The following PTPRD variants were observed in gnomAD, a reference collection of about 807,000 sequenced individuals.
PTPRD encodes receptor-type tyrosine-protein phosphatase delta.
PTPRD carries 34 observed loss-of-function variants against 214.5 expected under a neutral mutation model. That is an observed-to-expected ratio of 0.16 (90% CI 0.12 to 0.21). The LOEUF is 0.21. Ranked by LOEUF, PTPRD falls within the 10% of genes least tolerant of loss-of-function variation. PTPRD has a pLI of 1.00. For missense variants in PTPRD, 2,545 were observed against 2,398.7 expected, an observed-to-expected ratio of 1.06 and a Z score of -1.27; for synonymous variants, 1,128 against 845.7, an observed-to-expected ratio of 1.33 and a Z score of -5.79.
At chr9:9,027,922 T>A (rs1166599123) in intron 10 of PTPRD, among the ~76,000 whole-genome samples, 4 of 151,954 alleles carry the variant, frequency 2.6e-5, no homozygotes, top group Non-Finnish European at 5.9e-5. Flanking sequence ...GAATCCCCTG[T>A]GATGAAAAAC....
intron 2 of PTPRD, among the ~76,000 whole-genome samples, chr9:10,381,978 T>C (rs1025020783): frequency 6.6e-6 from 1 of 152,080 alleles, no homozygotes; most frequent in African/African-American, 2.4e-5. Context: ...TAACAGAGAA[T>C]AGTTCTACCA....
intron 8 of PTPRD, among the ~76,000 whole-genome samples, chr9:9,462,419 T>C (rs1038502256): frequency 6.6e-6 from 1 of 152,136 alleles, no homozygotes; most frequent in Non-Finnish European, 1.5e-5. Flanking sequence ...AGAAAGGCAA[T>C]AAATGATTCA....
At chr9:9,931,276 G>A (rs1040307537) in intron 5 of PTPRD, among the ~76,000 whole-genome samples, 5 of 152,192 alleles carry the variant, frequency 3.3e-5, no homozygotes, top group Admixed American at 1.3e-4. Context: ...CGTGAGCGAC[G>A]CAGAAGACAG....
At chr9:9,947,575 T>TA (rs2092921084) in intron 4 of PTPRD, among the ~76,000 whole-genome samples, 1 of 41,986 alleles carries the variant, frequency 2.4e-5, no homozygotes, top group Admixed American at 4.5e-4. Flanking sequence ...TATATATATA[T>TA]TATATATATA....
rs556864537 is a variant in PTPRD at position 10,583,699 on chromosome 9, C to T, written c.-600+28699G>A. Among the ~76,000 whole-genome samples the T allele has an allele frequency of 1.5e-3, 224 of 152,148 alleles. 1 individual carries two copies. Among genetic ancestry groups the T allele is most frequent in the Non-Finnish European group, 2.3e-3 (154 of 67,982 alleles). Reference sequence around the variant, plus strand: ...TTCACCATGTTAGTCAGGATGGTCTCGATCTCCTGACCTCGTGATGCGCCT... The same window carrying T: ...TTCACCATGTTAGTCAGGATGGTCTTGATCTCCTGACCTCGTGATGCGCCT... On this transcript the variant is annotated intron_variant, in intron 2 of 45. Coordinates refer to ENST00000381196, the MANE Select transcript of PTPRD (RefSeq NM_002839.4).
chr9:10,097,228 T>C (rs945619128), intron 3 of PTPRD, among the ~76,000 whole-genome samples: 8 of 149,732 alleles, frequency 5.3e-5, no homozygotes, highest in Admixed American at 4.7e-4. Context: ...CGGGCTCTTT[T>C]TTGGTTCCAT....
chr9:10,177,385 A>C (rs2099255209), intron 3 of PTPRD, among the ~76,000 whole-genome samples: 1 of 151,790 alleles, frequency 6.6e-6, no homozygotes, highest in African/African-American at 2.4e-5. Flanking sequence ...GCTATAACAA[A>C]TGGCATTGTA....
At chr9:9,421,554 A>C in intron 8 of PTPRD, among the ~76,000 whole-genome samples, 1 of 152,110 alleles carries the variant, frequency 6.6e-6, no homozygotes, top group Admixed American at 6.6e-5. Flanking sequence ...TGTTCTGGGC[A>C]GAAGATAATC....
chr9:9,258,090 GAGATAGAT>G (rs71319208), intron 9 of PTPRD, among the ~76,000 whole-genome samples: 9 of 148,250 alleles, frequency 6.1e-5, no homozygotes, highest in South Asian at 4.3e-4. Context: ...TGAATGGATA[GAGATAGAT>G]AGATAGATAG....
intron 3 of PTPRD, among the ~76,000 whole-genome samples, chr9:10,108,170 T>C (rs1390568107): frequency 6.6e-6 from 1 of 152,122 alleles, no homozygotes; most frequent in Non-Finnish European, 1.5e-5. Flanking sequence ...TGTTTTCTTT[T>C]CTTTTGTCTT....
At chr9:10,516,153 A>G (rs1448010093) in intron 2 of PTPRD, among the ~76,000 whole-genome samples, 1 of 151,846 alleles carries the variant, frequency 6.6e-6, no homozygotes, top group African/African-American at 2.4e-5. Flanking sequence ...AACTTCCACA[A>G]TATTTTCCAC....
intron 2 of PTPRD, among the ~76,000 whole-genome samples, chr9:10,457,951 A>T (rs759504051): frequency 5.3e-5 from 8 of 152,034 alleles, no homozygotes; most frequent in Admixed American, 1.3e-4. Context: ...AATTTGATAA[A>T]TTAGAGAAAA....
At chr9:8,422,712 C>T (rs2094444386) in intron 35 of PTPRD, among the ~76,000 whole-genome samples, 1 of 152,090 alleles carries the variant, frequency 6.6e-6, no homozygotes, top group Non-Finnish European at 1.5e-5. Context: ...CAACAAGGAT[C>T]AATACAGAAG....
intron 5 of PTPRD, among the ~76,000 whole-genome samples, chr9:9,929,973 G>A (rs904318843): frequency 1.3e-5 from 2 of 152,132 alleles, no homozygotes; most frequent in South Asian, 2.1e-4. Context: ...TCATACTCAA[G>A]GTTATACTCA....
chr9:10,267,067 C>T (rs1292858153), intron 3 of PTPRD, among the ~76,000 whole-genome samples: 3 of 151,590 alleles, frequency 2.0e-5, no homozygotes. Context: ...TAGCGGTCCC[C>T]TGTAATGCAG....
intron 36 of PTPRD, among the ~76,000 whole-genome samples, chr9:8,395,805 T>G (rs2090984170): frequency 1.3e-5 from 2 of 151,826 alleles, no homozygotes; most frequent in African/African-American, 4.8e-5. Flanking sequence ...GGAGGCTGAG[T>G]TTTGAGAATG....
At chr9:9,837,952 T>A (rs908256997) in intron 5 of PTPRD, among the ~76,000 whole-genome samples, 2 of 152,062 alleles carry the variant, frequency 1.3e-5, no homozygotes, top group Non-Finnish European at 2.9e-5. Flanking sequence ...CAGAGTATGA[T>A]GTTCCCCTTC....
In PTPRD at chr9:8,907,993, A is replaced by C. The variant is rs1002298215; in HGVS notation, c.-104+110704T>G. Among the ~76,000 whole-genome samples the C allele has an allele frequency of 3.9e-5, 6 of 152,306 alleles. No individual in the cohort carries two copies. The South Asian group carries it at 1.2e-3, about 32-fold the overall frequency. ...CAAGCACTAAGAGAGTCTCATCTAG[A>C]AACAGTATGGTCACACAGTTGAAAT... On this transcript the variant is annotated intron_variant, in intron 11 of 45. Coordinates refer to ENST00000381196, the MANE Select transcript of PTPRD (RefSeq NM_002839.4).
chr9:8,502,299 A>G (rs75979650), intron 23 of PTPRD, among the ~76,000 whole-genome samples: 28 of 152,252 alleles, frequency 1.8e-4, no homozygotes, highest in Non-Finnish European at 3.4e-4. Flanking sequence ...TTTTTAAAGC[A>G]ATGTATATGG....
Sources: allele counts gnomAD v4.1 joint callset (sites outside exome capture counted in the v4.1 genomes callset), GRCh38; gene constraint gnomAD v4.1.1; transcripts MANE v1.5; gene names NCBI Gene and HGNC (gene_info 2026-07-23, HGNC 2026-07-21).